The following ICAM5 variants were observed in gnomAD, a reference collection of about 807,000 sequenced individuals.
ICAM5 encodes intercellular adhesion molecule 5, also known as ICAM-5.
A neutral mutation model predicts 78.8 loss-of-function variants in ICAM5; 38 were observed. The observed-to-expected ratio is 0.48, with a 90% confidence interval of 0.37 to 0.63. ICAM5 has a LOEUF of 0.63. ICAM5 is among the 30% of genes least tolerant of loss of function. ICAM5 has a pLI of 0.00. For synonymous variants in ICAM5, 544 were observed against 590.9 expected (o/e 0.92, Z 1.15); for missense variants, 1,059 against 1,303.0 (o/e 0.81, Z 2.88).
rs373911810 is a variant in ICAM5, at chr19:10,294,204, G to A, written c.1876G>A (p.Asp626Asn). Residue 626 changes from aspartate (D) to asparagine (N), a missense_variant, in exon 8 of 11, where the codon GAC becomes AAC. By Grantham distance (23) the Asp-to-Asn change is conservative. Around this residue, in one of 3 missense-constraint regions of ICAM5, gnomAD observed 815 missense variants for 952.8 expected, o/e 0.86. Transcript: ENST00000221980. This position sits in a 1 kb window ranked among gnomAD's most constrained non-coding sequence, Gnocchi z 7.7. The stretch of plus-strand genomic sequence containing the variant: ...GGTGCTGCTGCCGCTGGCACCCCCA[G>A]ACCCTAGTCCCAGAGCTCCCAGAAT... ...EGVLLPLAPP[D>N]PSPRAPRIPR... The A allele has an allele frequency of 3.7e-6, 6 of 1,613,982 alleles. No individual in the cohort carries two copies. The African/African-American group carries it at 8.0e-5, about 22-fold the overall frequency.
Position 10,293,685 on chromosome 19 carries a change from CT to C in ICAM5, c.1466-12del. 1.2e-6 allele frequency: 2 copies of C among 1,609,942 alleles called. No homozygotes were observed. Among genetic ancestry groups the C allele is most frequent in the African/African-American group, 2.7e-5 (2 of 74,990 alleles). ...CCCAAACCCCAAAGCCAACAATACA[CT>C]CCCTCCTCCAGACGCACCAGCGCTG... On this transcript the variant is annotated splice_polypyrimidine_tract_variant and intron_variant, in intron 6 of 10. Coordinates refer to ENST00000221980, the MANE Select transcript of ICAM5 (RefSeq NM_003259.4). This position sits in a 1 kb window ranked among gnomAD's most constrained non-coding sequence, Gnocchi z 5.0.
In ICAM5 at chr19:10,290,338, A is replaced by G. The variant is rs887605675; in HGVS notation, c.82+213A>G. The G allele has an allele frequency of 4.1e-6, 2 of 490,882 alleles. No homozygotes were observed. The highest frequency in any genetic ancestry group is 3.4e-5 in the East Asian group (1 of 29,124). 30.4% of individuals were successfully genotyped at this position (490,882 alleles called of 1,614,324 possible). ...CTCGATAGCCCCTACCCGCTTCGAG[A>G]TCCTAGGTGTTCTTCCGCACCCAAC... On this transcript the variant is annotated intron_variant, in intron 1 of 10. Transcript: ENST00000221980. This position sits in a 1 kb window ranked among gnomAD's most constrained non-coding sequence, Gnocchi z 5.7.
Position 10,293,014 on chromosome 19 carries a change from C to T in ICAM5, c.1233C>T (p.Asp411=), listed in dbSNP as rs1163467154. 6.2e-7 allele frequency: 1 copy of T among 1,611,028 alleles called. No individual in the cohort carries two copies. The highest frequency in any genetic ancestry group is 8.5e-7 in the Non-Finnish European group (1 of 1,179,982). Residue 411 remains aspartate, a synonymous_variant, in exon 6 of 11, where the codon GAC becomes GAT. Transcript: ENST00000221980. This position sits in a 1 kb window ranked among gnomAD's most constrained non-coding sequence, Gnocchi z 5.0. ...TGCCCGCAGACGCTCCCCGGCTAGA[C>T]GATTCGGACTGCCCCAGGAGTTGGA... The part of the protein sequence containing the change: ...ELRVLYAPRL[D]DSDCPRSWTW...
chr19:10,294,488 G>A lies in ICAM5; in HGVS notation c.2078G>A (p.Arg693Gln), dbSNP rs1176578236. Residue 693 changes from arginine (R) to glutamine (Q), a missense_variant, in exon 9 of 11, where the codon CGG becomes CAG. This residue lies in a region of ICAM5 where 135 missense variants were observed against 230.2 expected (regional missense o/e 0.59). Coordinates refer to ENST00000221980, the MANE Select transcript of ICAM5 (RefSeq NM_003259.4). The surrounding 1 kb of genome is among the most constrained non-coding windows in gnomAD (Gnocchi z 7.7). Reference sequence around the variant, plus strand: ...GCTTCCGCGCTGGCCTGCGCCGCCCGGGGTCGCCCTTCCCCAGGAGTGCGC... The same window carrying A: ...GCTTCCGCGCTGGCCTGCGCCGCCCAGGGTCGCCCTTCCCCAGGAGTGCGC... The part of the protein sequence containing the change: ...AEASALACAA[R>Q]GRPSPGVRCS... 4.4e-6 allele frequency: 7 copies of A among 1,606,836 alleles called. No homozygotes were observed. Among genetic ancestry groups the A allele is most frequent in the East Asian group, 2.2e-5 (1 of 44,688 alleles).
chr19:10,295,363 G>T lies in ICAM5; in HGVS notation c.2248G>T (p.Glu750Ter). The stretch of plus-strand genomic sequence containing the variant: ...CCCTTCAGACCGGCCAGTGGTGGCC[G>T]AACTTGCTGCCTCGCCCCCTGGAGG... The part of the protein sequence containing the change: ...VGVEYRPVVA[E>*]LAASPPGGVR... Residue 750 changes from glutamate to a stop codon, truncating the protein, a stop_gained, in exon 10 of 11, where the codon GAA (glutamate) becomes TAA (stop). Coordinates refer to ENST00000221980, the MANE Select transcript of ICAM5 (RefSeq NM_003259.4). LOFTEE classifies it high-confidence loss of function. 6.4e-7 allele frequency: 1 copy of T among 1,567,544 alleles called. No homozygotes were observed.
rs773055599 is a variant in ICAM5 at position 10,291,558 on chromosome 19, G to T, written c.422G>T (p.Ser141Ile). 3 of 1,612,542 alleles carry T rather than the reference G, an allele frequency of 1.9e-6. No homozygotes were observed. The African/African-American group carries it at 4.0e-5, about 21-fold the overall frequency. The change falls in exon 3 of 11, where the codon AGC becomes ATC. Residue 141 changes from serine (S) to isoleucine (I), a missense_variant. By Grantham distance (142) the Ser-to-Ile change is moderately radical (BLOSUM62 -2). This residue lies in a region of ICAM5 where 815 missense variants were observed against 952.8 expected (regional missense o/e 0.86). Transcript: ENST00000221980. ...CCGGTGGGCGAGAACTTCACCCTGA[G>T]CTGTAGGGTCCCCGGCGCCGGGCCC... ...WQPVGENFTL[S>I]CRVPGAGPRA...
In ICAM5 at chr19:10,293,228, G is replaced by A. The variant is rs1229875154; in HGVS notation, c.1447G>A (p.Val483Ile). 9 of 1,590,030 alleles carry A rather than the reference G, an allele frequency of 5.7e-6. No homozygotes were observed. Among genetic ancestry groups the A allele is most frequent in the African/African-American group, 1.3e-5 (1 of 74,204 alleles). The change falls in exon 6 of 11, where the codon GTA becomes ATA. Residue 483 changes from valine to isoleucine, a missense_variant. Physicochemically the swap from Val to Ile is conservative, Grantham distance 29. This residue lies in a region of ICAM5 where 815 missense variants were observed against 952.8 expected (regional missense o/e 0.86). Transcript: ENST00000221980. This position sits in a 1 kb window ranked among gnomAD's most constrained non-coding sequence, Gnocchi z 5.0. ...TGATCAAGGCGAGGCGGTCAAGGAC[G>A]TAACGCTAACGGTGGAGTGTGAGTG... ...ANDQGEAVKD[V>I]TLTVEYAPAL...
Position 10,293,928 on chromosome 19 carries a change from G to A in ICAM5, c.1696G>A (p.Ala566Thr). ...TCGGGGCTCTGCGGCCAAAAATGTG[G>A]CCGTCACGGTGGAATGTGAGTAGGG... Reference protein sequence around the residue: ...NPRGSAAKNVAVTVEYGPRFE... With the variant: ...NPRGSAAKNVTVTVEYGPRFE... The change falls in exon 7 of 11, where the codon GCC (alanine) becomes ACC (threonine). Residue 566 changes from alanine to threonine, a missense_variant. By Grantham distance (58) the Ala-to-Thr change is moderately conservative. This residue lies in a region of ICAM5 where 815 missense variants were observed against 952.8 expected (regional missense o/e 0.86). Transcript: ENST00000221980. This position sits in a 1 kb window ranked among gnomAD's most constrained non-coding sequence, Gnocchi z 5.0. The A allele has an allele frequency of 6.2e-7, 1 of 1,611,982 alleles. No homozygotes were observed. The highest frequency in any genetic ancestry group is 2.2e-5 in the East Asian group (1 of 44,854).
chr19:10,293,614 G>C lies in ICAM5; in HGVS notation c.1466-84G>C. ...GGGTTATGCAGGGACAACACTTCGT[G>C]GAAGCCTTGCCGCGCCAAGGAGGGT... On this transcript the variant is annotated intron_variant, in intron 6 of 10. Coordinates refer to ENST00000221980, the MANE Select transcript of ICAM5 (RefSeq NM_003259.4). This position sits in a 1 kb window ranked among gnomAD's most constrained non-coding sequence, Gnocchi z 5.0. 1 of 1,531,286 alleles carries C rather than the reference G, an allele frequency of 6.5e-7. No homozygotes were observed. The highest frequency in any genetic ancestry group is 1.2e-5 in the South Asian group (1 of 80,932). 94.9% of individuals were successfully genotyped at this position (1,531,286 alleles called of 1,614,324 possible).
In ICAM5 at chr19:10,294,660, G is replaced by T. The variant is rs770100361; in HGVS notation, c.2230+20G>T. 1.2e-6 allele frequency: 2 copies of T among 1,612,326 alleles called. No homozygotes were observed. Among genetic ancestry groups the T allele is most frequent in the Admixed American group, 3.3e-5 (2 of 59,708 alleles). ...TGGAATGTGAGTGGGGGCAGCACCG[G>T]ATGGAGGGGACACGGTCCTCGGAAG... On this transcript the variant is annotated intron_variant, in intron 9 of 10. Coordinates refer to ENST00000221980, the MANE Select transcript of ICAM5 (RefSeq NM_003259.4). This position sits in a 1 kb window ranked among gnomAD's most constrained non-coding sequence, Gnocchi z 7.7.
chr19:10,292,596 A>C lies in ICAM5; in HGVS notation c.962-16A>C. Reference sequence around the variant, plus strand: ...GGGTATGGTCAGTATACTACGACCAAATGCTCCGCCCCCAGGCTTCCCGGC... The same window carrying C: ...GGGTATGGTCAGTATACTACGACCACATGCTCCGCCCCCAGGCTTCCCGGC... On this transcript the variant is annotated splice_polypyrimidine_tract_variant and intron_variant, in intron 4 of 10. Coordinates refer to ENST00000221980, the MANE Select transcript of ICAM5 (RefSeq NM_003259.4). 1 of 1,547,262 alleles carries C rather than the reference A, an allele frequency of 6.5e-7. No individual in the cohort carries two copies. The highest frequency in any genetic ancestry group is 1.2e-5 in the South Asian group (1 of 81,252).
chr19:10,293,374 T>C lies in ICAM5; in HGVS notation c.1465+128T>C. On this transcript the variant is annotated intron_variant, in intron 6 of 10. Transcript: ENST00000221980. The surrounding 1 kb of genome is among the most constrained non-coding windows in gnomAD (Gnocchi z 5.0). ...TGAGGTTTTGGGAAAGGGAAGAGGC[T>C]GGTTAGTGGGGTTGGAGAAAGATCT... 7.9e-7 allele frequency: 1 copy of C among 1,273,236 alleles called. No individual in the cohort carries two copies. Among genetic ancestry groups the C allele is most frequent in the South Asian group, 1.5e-5 (1 of 66,352 alleles). 78.9% of individuals were successfully genotyped at this position (1,273,236 alleles called of 1,614,324 possible).
In ICAM5 at chr19:10,296,435, G is replaced by A. The variant is rs1290398950; in HGVS notation, c.2594G>A (p.Cys865Tyr). The change falls in exon 11 of 11, where the codon TGC becomes TAC. Residue 865 changes from cysteine (C) to tyrosine (Y), a missense_variant. This residue lies in a region of ICAM5 where 109 missense variants were observed against 120.0 expected (regional missense o/e 0.91). Coordinates refer to ENST00000221980, the MANE Select transcript of ICAM5 (RefSeq NM_003259.4). ...GLAFYVQSTA[C>Y]KKGEYNVQEA... ...GCCTTCTACGTGCAGTCCACCGCCT[G>A]CAAGAAGGGCGAGTACAACGTGCAG... The A allele has an allele frequency of 2.3e-6, 3 of 1,328,394 alleles. No homozygotes were observed. The highest frequency in any genetic ancestry group is 2.0e-5 in the South Asian group (1 of 50,062). 82.3% of individuals were successfully genotyped at this position (1,328,394 alleles called of 1,614,324 possible).
Position 10,296,550 on chromosome 19 carries a change from G to C in ICAM5, c.2709G>C (p.Ala903=). 1.6e-6 allele frequency: 2 copies of C among 1,221,200 alleles called. No homozygotes were observed. The highest frequency in any genetic ancestry group is 2.1e-6 in the Non-Finnish European group (2 of 973,176). 75.6% of individuals were successfully genotyped at this position (1,221,200 alleles called of 1,614,324 possible). The part of the protein sequence containing the change: ...GAAGAEGGPE[A]AGGAAESPAE... ...CAGGCGCGGAGGGCGGACCCGAGGC[G>C]GCGGGGGGCGCGGCCGAGTCGCCGG... Residue 903 remains alanine (A), a synonymous_variant, in exon 11 of 11, where the codon GCG becomes GCC. Coordinates refer to ENST00000221980, the MANE Select transcript of ICAM5 (RefSeq NM_003259.4).
At chr19:10,292,492 G>T in intron 4 of ICAM5, 120 bp from the exon 5 acceptor site, 2 of 1,420,072 alleles carry the variant, frequency 1.4e-6, no homozygotes, top group African/African-American at 1.4e-5. Context: ...CAGCCTGAGA[G>T]GCGGGGCGCC....
rs1310287251 is a variant in ICAM5 at position 10,293,961 on chromosome 19, G to A, written c.1711+18G>A. ...GGTGGAATGTGAGTAGGGGCACCGC[G>A]GAGTTAGGCAGGATCTGTGGGACAA... On this transcript the variant is annotated intron_variant, in intron 7 of 10. Coordinates refer to ENST00000221980, the MANE Select transcript of ICAM5 (RefSeq NM_003259.4). This position sits in a 1 kb window ranked among gnomAD's most constrained non-coding sequence, Gnocchi z 5.0. 6.2e-6 allele frequency: 10 copies of A among 1,608,694 alleles called. No individual in the cohort carries two copies. Among genetic ancestry groups the A allele is most frequent in the Admixed American group, 5.0e-5 (3 of 59,880 alleles).
chr19:10,292,838 G>T lies in ICAM5; in HGVS notation c.1188G>T (p.Lys396Asn). ...ATGTGGACGGGGAGACCCTGATCAAGAACAGGAGCGCAGAGCTTCGTGTCC... is the reference window on the plus strand; with the variant it reads ...ATGTGGACGGGGAGACCCTGATCAATAACAGGAGCGCAGAGCTTCGTGTCC... Reference protein sequence around the residue: ...TLDVDGETLIKNRSAELRVLY... With the variant: ...TLDVDGETLINNRSAELRVLY... Residue 396 changes from lysine (K) to asparagine (N), a missense_variant, in exon 5 of 11, where the codon AAG becomes AAT. Transcript: ENST00000221980. 4 of 1,612,844 alleles carry T rather than the reference G, an allele frequency of 2.5e-6. No individual in the cohort carries two copies. Among genetic ancestry groups the T allele is most frequent in the Non-Finnish European group, 3.4e-6 (4 of 1,179,840 alleles).
Position 10,296,584 on chromosome 19 carries a change from G to T in ICAM5, c.2743G>T (p.Glu915Ter). ...GGAAESPAEG[E>*]VFAIQLTSA ...CGCGGCCGAGTCGCCGGCGGAGGGC[G>T]AGGTCTTCGCCATACAGCTGACATC... The change falls in exon 11 of 11, where the codon GAG becomes TAG. Residue 915 changes from glutamate to a stop codon, truncating the protein, a stop_gained. Coordinates refer to ENST00000221980, the MANE Select transcript of ICAM5 (RefSeq NM_003259.4). LOFTEE classifies it high-confidence loss of function. 1 of 1,216,326 alleles carries T rather than the reference G, an allele frequency of 8.2e-7. No individual in the cohort carries two copies. 75.3% of individuals were successfully genotyped at this position (1,216,326 alleles called of 1,614,324 possible). A position where few individuals can be genotyped will look rare whatever the true frequency, so the allele number is the denominator to read the frequency against.
rs897345596 is a variant in ICAM5, at chr19:10,296,577, G to A, written c.2736G>A (p.Ala912=). 61 of 1,217,938 alleles carry A rather than the reference G, an allele frequency of 5.0e-5. No individual in the cohort carries two copies. Among genetic ancestry groups the A allele is most frequent in the Non-Finnish European group, 5.9e-5 (57 of 972,506 alleles). The allele number at this position is 1,217,938 out of a possible 1,614,324, so 75.4% of individuals were successfully genotyped here. ...EAAGGAAESP[A]EGEVFAIQLT... ...CGGGGGGCGCGGCCGAGTCGCCGGC[G>A]GAGGGCGAGGTCTTCGCCATACAGC... The change falls in exon 11 of 11, where the codon GCG becomes GCA. Residue 912 remains alanine, a synonymous_variant. Transcript: ENST00000221980.
Sources: gnomAD v4.1 joint callset for allele counts on GRCh38, gnomAD v4.1.1 for gene constraint, gnomAD v4.1.1 regional missense constraint, Gnocchi (gnomAD v3.1) non-coding constraint, MANE v1.5 for transcripts, NCBI Gene and HGNC (gene_info 2026-07-23, HGNC 2026-07-21) for gene names.